Variants in EFNA5 observed in about 807,000 individuals in gnomAD.
EFNA5 encodes ephrin A5.
Under a neutral mutation model 22.9 loss-of-function variants are expected in EFNA5, and 5 were observed. That is an observed-to-expected ratio of 0.22 (90% confidence interval 0.11 to 0.46). EFNA5 has a LOEUF of 0.46. Ranked by LOEUF, EFNA5 falls within the 20% of genes least tolerant of loss-of-function variation. The pLI, the probability that EFNA5 is intolerant of heterozygous loss-of-function variation, is 0.99. For synonymous variants in EFNA5, 113 were observed against 112.2 expected, an observed-to-expected ratio of 1.01 and a Z score of -0.04; for missense variants, 237 against 293.3, an observed-to-expected ratio of 0.81 and a Z score of 1.40.
chr5:107,443,954 C>T (rs1466595061), intron 1 of EFNA5, among the ~76,000 whole-genome samples: 1 of 152,114 alleles, frequency 6.6e-6, no homozygotes, highest in African/African-American at 2.4e-5. Context: ...AGATCAGAGA[C>T]TAGGTCCTCC....
At position 107,378,127 on chromosome 5, in the gene EFNA5, A is replaced by G. The variant is rs1747318497; in HGVS notation, c.*3128T>C. The stretch of plus-strand genomic sequence containing the variant: ...CAAAAGACATAAGAATCAAATTAAT[A>G]CTTTATTATCAAACACTATGTACAA... On this transcript the variant is annotated 3_prime_UTR_variant, in exon 5 of 5. Transcript: ENST00000333274. 1 of 152,070 alleles carries G rather than the reference A, an allele frequency of 6.6e-6. No homozygotes were observed. Among genetic ancestry groups the G allele is most frequent in the African/African-American group, 2.4e-5 (1 of 41,394 alleles). The allele number at this position is 152,070 out of a possible 1,614,324, so 9.4% of individuals were successfully genotyped here.
chr5:107,540,623 G>A (rs568990578), intron 1 of EFNA5, among the ~76,000 whole-genome samples: 5 of 152,236 alleles, frequency 3.3e-5, no homozygotes, highest in African/African-American at 1.2e-4. Flanking sequence ...TAAAGCTAAT[G>A]AAAAGATCAC....
chr5:107,470,457 G>A (rs530906196), intron 1 of EFNA5, among the ~76,000 whole-genome samples: 95 of 152,344 alleles, frequency 6.2e-4, no homozygotes, highest in African/African-American at 2.3e-3. Flanking sequence ...GACTTGACCA[G>A]AGAGAATGGT....
chr5:107,669,354 T>C (rs1212462445), intron 1 of EFNA5, among the ~76,000 whole-genome samples: 3 of 152,008 alleles, frequency 2.0e-5, no homozygotes, highest in South Asian at 2.1e-4. Flanking sequence ...ATCGGTACTA[T>C]TAATAAATAG....
chr5:107,528,792 G>A (rs1747750926), intron 1 of EFNA5, among the ~76,000 whole-genome samples: 1 of 151,962 alleles, frequency 6.6e-6, no homozygotes, highest in Non-Finnish European at 1.5e-5. Flanking sequence ...TTAGGTATGG[G>A]GTTATATTAT....
chr5:107,545,296 C>T (rs1748122853), intron 1 of EFNA5, among the ~76,000 whole-genome samples: 1 of 152,232 alleles, frequency 6.6e-6, no homozygotes, highest in South Asian at 2.1e-4. Flanking sequence ...TTTTCAAAAA[C>T]ACATGCAGTA....
intron 1 of EFNA5, among the ~76,000 whole-genome samples, chr5:107,652,469 C>A (rs915067132): frequency 2.0e-5 from 3 of 149,890 alleles, no homozygotes; most frequent in Admixed American, 2.0e-4. Flanking sequence ...ATATTAGTGG[C>A]CTGAATGAAG....
At chr5:107,665,630 G>C in intron 1 of EFNA5, among the ~76,000 whole-genome samples, 1 of 152,142 alleles carries the variant, frequency 6.6e-6, no homozygotes, top group Middle Eastern at 3.2e-3. Context: ...AGCCAAATCT[G>C]CCTCAAATAG....
At chr5:107,666,097 A>C (rs1751059451) in intron 1 of EFNA5, among the ~76,000 whole-genome samples, 1 of 152,206 alleles carries the variant, frequency 6.6e-6, no homozygotes, top group Non-Finnish European at 1.5e-5. Flanking sequence ...AGGACAATCT[A>C]AGTTTTGTGA....
intron 1 of EFNA5, among the ~76,000 whole-genome samples, chr5:107,459,556 G>A (rs911348899): frequency 4.6e-5 from 7 of 152,144 alleles, no homozygotes; most frequent in Non-Finnish European, 7.4e-5. Context: ...GTTCATTAAC[G>A]GCAAAGCTCA....
intron 1 of EFNA5, among the ~76,000 whole-genome samples, chr5:107,623,071 C>G (rs1301431225): frequency 8.2e-6 from 1 of 122,644 alleles, no homozygotes; most frequent in African/African-American, 3.2e-5. Context: ...TGAATACTCA[C>G]AAGTATTCAA....
At chr5:107,452,419 G>A (rs531667502) in intron 1 of EFNA5, among the ~76,000 whole-genome samples, 1 of 152,180 alleles carries the variant, frequency 6.6e-6, no homozygotes, top group East Asian at 1.9e-4. Context: ...TCAGCACTAT[G>A]ATGAAAGAAA....
In EFNA5 at chr5:107,379,839, A is replaced by G. The variant is rs1251526115; in HGVS notation, c.*1416T>C. 6.6e-6 allele frequency: 1 copy of G among 152,054 alleles called. No homozygotes were observed. The highest frequency in any genetic ancestry group is 1.5e-5 in the Non-Finnish European group (1 of 68,026). The allele number at this position is 152,054 out of a possible 1,614,324, so 9.4% of individuals were successfully genotyped here. A position where few individuals can be genotyped will look rare whatever the true frequency, so the allele number is the denominator to read the frequency against. On this transcript the variant is annotated 3_prime_UTR_variant, in exon 5 of 5. Transcript: ENST00000333274. ...ACTTTTTCTCACAAGTTTAAATAGG[A>G]CAAGCATATATACTCACTCTCAGCA...
chr5:107,618,099 T>C (rs962689579), intron 1 of EFNA5, among the ~76,000 whole-genome samples: 4 of 152,202 alleles, frequency 2.6e-5, no homozygotes, highest in African/African-American at 4.8e-5. Flanking sequence ...TCTGAGCTCC[T>C]ACTATGTACC....
intron 1 of EFNA5, among the ~76,000 whole-genome samples, chr5:107,488,420 T>TAAAGAA (rs1236269691): frequency 6.6e-6 from 1 of 152,226 alleles, no homozygotes; most frequent in Non-Finnish European, 1.5e-5. Flanking sequence ...AGAAATGATG[T>TAAAGAA]GCTAGACTCT....
intron 1 of EFNA5, among the ~76,000 whole-genome samples, chr5:107,518,776 G>A (rs534302603): frequency 1.3e-5 from 2 of 152,214 alleles, no homozygotes; most frequent in Non-Finnish European, 2.9e-5. Flanking sequence ...TTTTCATTAG[G>A]CATGGCTGAA....
chr5:107,640,771 G>A (rs1290425118), intron 1 of EFNA5, among the ~76,000 whole-genome samples: 1 of 152,160 alleles, frequency 6.6e-6, no homozygotes, highest in Non-Finnish European at 1.5e-5. Flanking sequence ...TAACCACAGA[G>A]GTAACCGCTA....
At chr5:107,523,101 T>C (rs1747628597) in intron 1 of EFNA5, among the ~76,000 whole-genome samples, 1 of 152,192 alleles carries the variant, frequency 6.6e-6, no homozygotes, top group Non-Finnish European at 1.5e-5. Flanking sequence ...CGTTTGTTTG[T>C]TTATTTTAAC....
At chr5:107,518,265 C>T (rs1747523554) in intron 1 of EFNA5, among the ~76,000 whole-genome samples, 1 of 149,790 alleles carries the variant, frequency 6.7e-6, no homozygotes, top group Admixed American at 6.6e-5. Flanking sequence ...TTAGAAAGCC[C>T]CACTCGGAAA....
Sources: gnomAD v4.1 joint callset for allele counts (sites outside exome capture counted in the v4.1 genomes callset) on GRCh38, gnomAD v4.1.1 for gene constraint, MANE v1.5 for transcripts, NCBI Gene and HGNC (gene_info 2026-07-23, HGNC 2026-07-21) for gene names.